Variants in NGF observed in about 807,000 individuals in gnomAD.
NGF encodes the protein beta-nerve growth factor.
NGF carries 4 observed loss-of-function variants against 12.8 expected under a neutral mutation model. The observed-to-expected ratio is 0.31, with a 90% CI of 0.15 to 0.72. The LOEUF (loss-of-function observed/expected upper bound fraction) is 0.72. NGF is among the 30% of genes least tolerant of loss of function. The pLI is 0.69. For missense variants in NGF, 283 were observed against 330.8 expected, an observed-to-expected ratio of 0.86 and a Z score of 1.12; for synonymous variants, 140 against 130.0, an observed-to-expected ratio of 1.08 and a Z score of -0.52.
intron 2 of NGF, among the ~76,000 whole-genome samples, chr1:115,292,395 C>T (rs544230839): frequency 4.6e-5 from 7 of 152,264 alleles, no homozygotes; most frequent in Non-Finnish European, 4.4e-5. Flanking sequence ...ACTGCTGGGC[C>T]CCATCTCCAG....
At chr1:115,309,616 C>T (rs1212396494) in intron 1 of NGF, among the ~76,000 whole-genome samples, 1 of 152,094 alleles carries the variant, frequency 6.6e-6, no homozygotes, top group African/African-American at 2.4e-5. Flanking sequence ...TGATGTTCCC[C>T]TCCCTGTGTC....
chr1:115,336,173 T>A (rs1310297562), intron 1 of NGF, among the ~76,000 whole-genome samples: 1 of 151,820 alleles, frequency 6.6e-6, no homozygotes, highest in East Asian at 1.9e-4. Context: ...AGGGAAAGAG[T>A]CACCAATACC....
chr1:115,337,261 G>GTTTTTTTTTTTTTTTTTTTTTT (rs368973980), intron 1 of NGF, among the ~76,000 whole-genome samples: 1 of 11,758 alleles, frequency 8.5e-5, no homozygotes, highest in African/African-American at 2.3e-4. Flanking sequence ...TTTTTGTTTT[G>GTTTTTTTTTTTTTTTTTTTTTT]TTTTTGTTTT....
intron 1 of NGF, among the ~76,000 whole-genome samples, chr1:115,299,014 G>C (rs1453761167): frequency 1.3e-5 from 2 of 152,138 alleles, no homozygotes; most frequent in Non-Finnish European, 2.9e-5. Flanking sequence ...AAAGGAATTT[G>C]AAATCTTTTC....
chr1:115,338,030 C>A (rs1328868758), intron 1 of NGF, among the ~76,000 whole-genome samples, 174 bp downstream of exon 1: 1 of 152,176 alleles, frequency 6.6e-6, no homozygotes, highest in Non-Finnish European at 1.5e-5. Flanking sequence ...TCCCGCGCCC[C>A]CACACCCACT....
At chr1:115,302,815 C>T (rs79909222) in intron 1 of NGF, among the ~76,000 whole-genome samples, 7,945 of 152,270 alleles carry the variant, frequency 0.052, 313 homozygotes, top group Non-Finnish European at 0.084. Flanking sequence ...CCCAGGGCCA[C>T]GTACCTATCC....
At chr1:115,290,020 A>G (rs1653633514) in intron 2 of NGF, among the ~76,000 whole-genome samples, 1 of 151,854 alleles carries the variant, frequency 6.6e-6, no homozygotes, top group East Asian at 1.9e-4. Context: ...ATCCCTGGCC[A>G]CCCCATTTAG....
intron 1 of NGF, among the ~76,000 whole-genome samples, chr1:115,304,623 G>A (rs1654145530): frequency 6.6e-6 from 1 of 152,080 alleles, no homozygotes; most frequent in African/African-American, 2.4e-5. Flanking sequence ...CTGAAGACAA[G>A]TGGACTTTGT....
chr1:115,291,530 A>G (rs1042329401), intron 2 of NGF, among the ~76,000 whole-genome samples: 5 of 152,140 alleles, frequency 3.3e-5, no homozygotes, highest in African/African-American at 9.7e-5. Flanking sequence ...TTAATATGAG[A>G]ATGCTCTTTA....
chr1:115,306,879 T>G (rs1236273963), intron 1 of NGF, among the ~76,000 whole-genome samples: 2 of 152,228 alleles, frequency 1.3e-5, no homozygotes, highest in African/African-American at 4.8e-5. Context: ...GGGCACACCA[T>G]GGCCATTAAT....
At chr1:115,310,682 T>C (rs1654313926) in intron 1 of NGF, among the ~76,000 whole-genome samples, 1 of 152,206 alleles carries the variant, frequency 6.6e-6, no homozygotes, top group Non-Finnish European at 1.5e-5. Context: ...ATGCTAAGGG[T>C]TGAGAACTCA....
At chr1:115,333,804 T>TTCTC (rs148384542) in intron 1 of NGF, among the ~76,000 whole-genome samples, 62,590 of 133,772 alleles carry the variant, frequency 0.47, 17,954 homozygotes, top group African/African-American at 0.75. Flanking sequence ...CTTTCTTTCT[T>TTCTC]TCTCTTTTTC....
chr1:115,306,945 A>G (rs1237597748), intron 1 of NGF, among the ~76,000 whole-genome samples: 1 of 152,214 alleles, frequency 6.6e-6, no homozygotes, highest in Non-Finnish European at 1.5e-5. Flanking sequence ...CAATATTGGT[A>G]CCGATGATTG....
chr1:115,321,316 G>T (rs1466984408), intron 1 of NGF, among the ~76,000 whole-genome samples: 4 of 152,164 alleles, frequency 2.6e-5, no homozygotes, highest in African/African-American at 9.7e-5. Flanking sequence ...TGAAAGAATG[G>T]AAGGAAGAAA....
chr1:115,333,855 CT>C (rs948763139), intron 1 of NGF, among the ~76,000 whole-genome samples: 10 of 131,570 alleles, frequency 7.6e-5, no homozygotes, highest in Admixed American at 2.4e-4. Context: ...TCTTTTCTTT[CT>C]TTTTTTTCCC....
intron 1 of NGF, among the ~76,000 whole-genome samples, chr1:115,333,438 T>C (rs1373902750): frequency 6.7e-6 from 1 of 148,508 alleles, no homozygotes; most frequent in Non-Finnish European, 1.5e-5. Context: ...CTCAATCTGC[T>C]TAGCCCAGTG....
intron 2 of NGF, among the ~76,000 whole-genome samples, chr1:115,287,912 C>A (rs1653565245): frequency 6.6e-6 from 1 of 152,210 alleles, no homozygotes; most frequent in Non-Finnish European, 1.5e-5. Flanking sequence ...CTCTCACTGG[C>A]CTCCGCGGAG....
At chr1:115,333,673 CTTT>C (rs1557949128) in intron 1 of NGF, among the ~76,000 whole-genome samples, 1 of 62,490 alleles carries the variant, frequency 1.6e-5, no homozygotes, top group Non-Finnish European at 2.4e-5. Context: ...TTCTTTCTTT[CTTT>C]CTTTCTTTCT....
Position 115,337,267 on chromosome 1 carries a change from G to GTTTGTTTGTTTTTTTT in NGF, c.-137+936_-137+937insAAAAAAAACAAACAAA. On this transcript the variant is annotated intron_variant, in intron 1 of 2. Transcript: ENST00000369512. ...TCGAAATTTTTTTTGTTTTGTTTTTGTTTTTTTTTTTTTTTTTTTTTTTTT... is the reference window on the plus strand; with the variant it reads ...TCGAAATTTTTTTTGTTTTGTTTTTGTTTGTTTGTTTTTTTTTTTTTTTTTTTTTTTTTTTTTTTTT... 4.8e-4 allele frequency among the ~76,000 whole-genome samples: 39 copies of GTTTGTTTGTTTTTTTT among 81,026 alleles called. 4 individuals carry two copies. Among genetic ancestry groups the GTTTGTTTGTTTTTTTT allele is most frequent in the African/African-American group, 1.7e-3 (33 of 18,892 alleles). 53.2% of individuals were successfully genotyped at this position (81,026 alleles called of 152,430 possible). A position where few individuals can be genotyped will look rare whatever the true frequency, so the allele number is the denominator to read the frequency against.
Sources: allele counts gnomAD v4.1 joint callset (sites outside exome capture counted in the v4.1 genomes callset), GRCh38; gene constraint gnomAD v4.1.1; transcripts MANE v1.5; gene names NCBI Gene and HGNC (gene_info 2026-07-23, HGNC 2026-07-21).